Variants in NUCB2 observed in about 807,000 individuals in gnomAD.
The protein encoded by NUCB2 is nucleobindin 2.
In NUCB2, 48 loss-of-function variants were observed where a neutral mutation model predicts 57.9. That is an observed-to-expected ratio of 0.83 (90% CI 0.66 to 1.05). The LOEUF (loss-of-function observed/expected upper bound fraction) is 1.05. Among genes scored for constraint, NUCB2 ranks in the 50% least tolerant of loss-of-function variants. The pLI is 0.00. For missense variants in NUCB2, 442 were observed against 476.2 expected (o/e 0.93, Z 0.67); for synonymous variants, 139 against 152.1 (o/e 0.91, Z 0.64).
At chr11:17,279,807 A>G (rs1942177490) in intron 1 of NUCB2, among the ~76,000 whole-genome samples, 2 of 115,298 alleles carry the variant, frequency 1.7e-5, no homozygotes. Flanking sequence ...TTTTTTTGAG[A>G]CAGGGCCTCA....
chr11:17,316,629 A>G (rs930005098), intron 11 of NUCB2, among the ~76,000 whole-genome samples: 1 of 152,206 alleles, frequency 6.6e-6, no homozygotes, highest in Admixed American at 6.5e-5. Context: ...ATTTCTCAGT[A>G]TATCTTGGCA....
At chr11:17,290,931 A>C (rs1481535233) in intron 2 of NUCB2, among the ~76,000 whole-genome samples, 1 of 152,168 alleles carries the variant, frequency 6.6e-6, no homozygotes, top group Non-Finnish European at 1.5e-5. Flanking sequence ...TTTACATATC[A>C]TACAATTCTC....
At position 17,301,756 on chromosome 11, in the gene NUCB2, A is replaced by G; in HGVS notation, c.265A>G (p.Ser89Gly). 5.0e-6 allele frequency: 8 copies of G among 1,609,280 alleles called. No homozygotes were observed. Among genetic ancestry groups the G allele is most frequent in the Non-Finnish European group, 6.8e-6 (8 of 1,175,720 alleles). The part of the protein sequence containing the change: ...DIEEIKSGRL[S>G]KELDLVSHHV... ...ATTTTGTTAACAGAGTGGGAGGCTA[A>G]GCAAAGAACTGGATTTAGTAAGTCA... is the stretch of plus-strand genomic sequence containing the variant. Residue 89 changes from serine to glycine, a missense_variant, in exon 5 of 14, where the codon AGC (serine) becomes GGC (glycine). Coordinates refer to ENST00000529010, the MANE Select transcript of NUCB2 (RefSeq NM_005013.4).
At chr11:17,318,858 C>T (rs1312794267) in intron 11 of NUCB2, among the ~76,000 whole-genome samples, 1 of 152,088 alleles carries the variant, frequency 6.6e-6, no homozygotes, top group Non-Finnish European at 1.5e-5. Context: ...TTTATATTTC[C>T]ACCATTAAAA....
Position 17,287,928 on chromosome 11 carries a change from G to T in NUCB2, c.-1+4985G>T, listed in dbSNP as rs377736087. 3.4e-4 allele frequency among the ~76,000 whole-genome samples: 52 copies of T among 152,270 alleles called. 1 individual carries two copies. The South Asian group carries it at 0.011, about 31-fold the overall frequency. On this transcript the variant is annotated intron_variant, in intron 2 of 13. Coordinates refer to ENST00000529010, the MANE Select transcript of NUCB2 (RefSeq NM_005013.4). ...GGCAGGAATCGCTTGAACCCAGGAG[G>T]TGGAGGTTGCAGTGATCCGAGATCG...
At chr11:17,349,082 A>T (rs1255432262) in intron 2 of NUCB2, among the ~76,000 whole-genome samples, 1 of 152,156 alleles carries the variant, frequency 6.6e-6, no homozygotes, top group East Asian at 1.9e-4. Context: ...GCCCAGCAGA[A>T]AGCTTTTCTT....
At chr11:17,320,903 T>C (rs1452662620) in intron 11 of NUCB2, among the ~76,000 whole-genome samples, 1 of 152,214 alleles carries the variant, frequency 6.6e-6, no homozygotes, top group East Asian at 1.9e-4. Flanking sequence ...AAATTGAATC[T>C]GTACAAAGAA....
intron 11 of NUCB2, among the ~76,000 whole-genome samples, chr11:17,325,393 T>A (rs1247038937): frequency 6.6e-6 from 1 of 152,204 alleles, no homozygotes; most frequent in East Asian, 1.9e-4. Context: ...CTGTTTACAG[T>A]CATTCTATCT....
At chr11:17,333,869 G>A (rs995666124), downstream of NUCB2, 2 of 152,202 alleles carry the variant, frequency 1.3e-5, no homozygotes, top group Non-Finnish European at 2.9e-5. Flanking sequence ...TCTCAGCAAA[G>A]CTATTTTTCC....
At position 17,348,323 on chromosome 11, in the gene NUCB2, T is replaced by G. The variant is rs1416063339; in HGVS notation, n.2627-1022T>G. Among the ~76,000 whole-genome samples, 39 of 19,024 alleles carry G rather than the reference T, an allele frequency of 2.1e-3. 3 individuals are homozygous for G. The highest frequency in any genetic ancestry group is 2.5e-3 in the Non-Finnish European group (9 of 3,658). The allele number at this position is 19,024 out of a possible 152,430, so 12.5% of individuals were successfully genotyped here. ...GTGTTTTTTGTTTGTTTTTGTGTTTTTTTTTTTTTTTTTTTTTTTTTTTTT... is the reference window on the plus strand; with the variant it reads ...GTGTTTTTTGTTTGTTTTTGTGTTTGTTTTTTTTTTTTTTTTTTTTTTTTT... On this transcript the variant is annotated intron_variant and non_coding_transcript_variant, in intron 2 of 2. Transcript: ENST00000532240.
At chr11:17,288,177 T>A (rs1279972623) in intron 2 of NUCB2, among the ~76,000 whole-genome samples, 4 of 152,248 alleles carry the variant, frequency 2.6e-5, no homozygotes, top group Non-Finnish European at 4.4e-5. Flanking sequence ...TTAATTTCTT[T>A]ATGTGTGCAT....
intron 2 of NUCB2, among the ~76,000 whole-genome samples, chr11:17,343,267 A>G (rs1952440858): frequency 6.6e-6 from 1 of 152,118 alleles, no homozygotes; most frequent in Admixed American, 6.6e-5. Context: ...CGCTTTATCC[A>G]ATTTGCCAGT....
intron 5 of NUCB2, among the ~76,000 whole-genome samples, chr11:17,307,045 AG>A (rs1420406755): frequency 3.9e-5 from 6 of 151,982 alleles, no homozygotes; most frequent in South Asian, 4.1e-4. Flanking sequence ...AATTTTAGGG[AG>A]GGGGGTAATT....
intron 11 of NUCB2, among the ~76,000 whole-genome samples, chr11:17,323,603 T>C (rs572926656): frequency 2.0e-5 from 3 of 152,348 alleles, no homozygotes; most frequent in East Asian, 3.9e-4. Flanking sequence ...TTTGGAAGTA[T>C]TCCTTCCTCC....
chr11:17,290,310 C>T (rs1767291557), intron 2 of NUCB2, among the ~76,000 whole-genome samples: 1 of 152,192 alleles, frequency 6.6e-6, no homozygotes, highest in Non-Finnish European at 1.5e-5. Context: ...TGCAAAAACT[C>T]AATCTGAAGT....
downstream of NUCB2, chr11:17,333,866 A>G (rs147266724): frequency 4.6e-5 from 7 of 152,366 alleles, no homozygotes; most frequent in East Asian, 1.3e-3. Context: ...TTCTCTCAGC[A>G]AAGCTATTTT....
chr11:17,322,645 A>C (rs188139141), intron 11 of NUCB2, among the ~76,000 whole-genome samples: 1 of 152,176 alleles, frequency 6.6e-6, no homozygotes, highest in East Asian at 1.9e-4. Flanking sequence ...TTTGATATGG[A>C]CTGCACTGAA....
downstream of NUCB2, chr11:17,333,350 G>C (rs1349206388): frequency 1.3e-5 from 2 of 152,186 alleles, no homozygotes; most frequent in Admixed American, 6.6e-5. Flanking sequence ...CTGGGGGCAG[G>C]CTTGGGAATT....
At chr11:17,316,011 T>G (rs1237991899) in intron 11 of NUCB2, among the ~76,000 whole-genome samples, 2 of 152,096 alleles carry the variant, frequency 1.3e-5, no homozygotes, top group African/African-American at 4.8e-5. Context: ...CTTGCTCTGT[T>G]GCCCAGGCTG....
Sources: allele counts gnomAD v4.1 joint callset (sites outside exome capture counted in the v4.1 genomes callset), GRCh38; gene constraint gnomAD v4.1.1; transcripts MANE v1.5; gene names NCBI Gene and HGNC (gene_info 2026-07-23, HGNC 2026-07-21).